RBM47: variants seen among roughly 807,000 people sequenced by gnomAD.
The protein encoded by RBM47 is RNA-binding protein 47.
In RBM47, 21 loss-of-function variants were observed where a neutral mutation model predicts 47.1. That is an observed-to-expected ratio of 0.45 (90% confidence interval 0.32 to 0.64). The LOEUF (loss-of-function observed/expected upper bound fraction) is 0.64. Ranked by LOEUF, RBM47 falls within the 30% of genes least tolerant of loss-of-function variation. The pLI is 0.05. For missense variants in RBM47, 708 were observed against 870.9 expected (o/e 0.81, Z 2.35); for synonymous variants, 375 against 361.7 (o/e 1.04, Z -0.42).
At chr4:40,533,633 T>C (rs1262544111) in intron 2 of RBM47, among the ~76,000 whole-genome samples, 1 of 151,920 alleles carries the variant, frequency 6.6e-6, no homozygotes, top group Non-Finnish European at 1.5e-5. Flanking sequence ...AATTGATTTG[T>C]CTTATTTTGT....
At chr4:40,606,383 G>A (rs1258536699) in intron 1 of RBM47, among the ~76,000 whole-genome samples, 2 of 151,978 alleles carry the variant, frequency 1.3e-5, no homozygotes, top group East Asian at 1.9e-4. Context: ...AAAGAAAAAC[G>A]GTGGACTAGT....
intron 1 of RBM47, among the ~76,000 whole-genome samples, chr4:40,573,208 T>C (rs1037923865): frequency 6.6e-6 from 1 of 150,632 alleles, no homozygotes; most frequent in African/African-American, 2.4e-5. Flanking sequence ...AGTTGAGAAC[T>C]GAAGAAGAGA....
intron 2 of RBM47, among the ~76,000 whole-genome samples, chr4:40,509,739 C>A (rs181223694): frequency 2.0e-5 from 3 of 147,502 alleles, no homozygotes; most frequent in Non-Finnish European, 3.0e-5. Flanking sequence ...AAAAAAAATT[C>A]TCCAGGCGTG....
At chr4:40,465,090 T>C (rs1717808301) in intron 3 of RBM47, among the ~76,000 whole-genome samples, 2 of 152,042 alleles carry the variant, frequency 1.3e-5, no homozygotes, top group Non-Finnish European at 2.9e-5. Flanking sequence ...AAAAAAATTT[T>C]GCTCTCTGAG....
intron 1 of RBM47, among the ~76,000 whole-genome samples, chr4:40,622,587 A>G (rs1431013268): frequency 6.6e-6 from 1 of 152,212 alleles, no homozygotes; most frequent in African/African-American, 2.4e-5. Context: ...TTCTGTTTTA[A>G]AAAAGTCACT....
chr4:40,558,912 T>C (rs112259212), intron 1 of RBM47, among the ~76,000 whole-genome samples: 11,901 of 151,826 alleles, frequency 0.078, 728 homozygotes, highest in African/African-American at 0.17. Flanking sequence ...AAGAATCACT[T>C]GAACCCAGGA....
At chr4:40,434,002 G>GGGGTGTATGTGTGTGT (rs1213913858) in intron 5 of RBM47, among the ~76,000 whole-genome samples, 2 of 45,710 alleles carry the variant, frequency 4.4e-5, no homozygotes, top group African/African-American at 1.0e-4. Context: ...GTGGGGCGGG[G>GGGGTGTATGTGTGTGT]GTGTGTGTGT....
intron 2 of RBM47, among the ~76,000 whole-genome samples, chr4:40,481,468 ATTATTATTATTATTATTATTT>A (rs1192006526): frequency 9.5e-5 from 12 of 126,112 alleles, no homozygotes; most frequent in East Asian, 4.9e-4. Flanking sequence ...TATTATTATT[ATTATTATTATTATTATTATTT>A]TTATTTTTAT....
chr4:40,600,999 A>AAAAAAAAAAAAAAAAAAAAG (rs1338188731), intron 1 of RBM47, among the ~76,000 whole-genome samples: 2 of 147,282 alleles, frequency 1.4e-5, no homozygotes, highest in African/African-American at 2.6e-5. Context: ...AAAAAAAAAA[A>AAAAAAAAAAAAAAAAAAAAG]AAAGAAAGAA....
chr4:40,481,555 T>C (rs980933451), intron 2 of RBM47, among the ~76,000 whole-genome samples: 17 of 149,130 alleles, frequency 1.1e-4, no homozygotes, highest in African/African-American at 4.2e-4. Flanking sequence ...GATCATGATG[T>C]GGCTTTTTTT....
chr4:40,571,242 A>C (rs1043721714), intron 1 of RBM47, among the ~76,000 whole-genome samples: 2 of 151,784 alleles, frequency 1.3e-5, no homozygotes. Context: ...AAAAGAAAAG[A>C]AAATACTGAC....
intron 3 of RBM47, among the ~76,000 whole-genome samples, chr4:40,442,846 G>C (rs1475548636): frequency 6.6e-6 from 1 of 152,004 alleles, no homozygotes; most frequent in African/African-American, 2.4e-5. Flanking sequence ...GCTAATTTTT[G>C]TATTTTTAGT....
At chr4:40,555,210 G>A (rs189969206) in intron 1 of RBM47, among the ~76,000 whole-genome samples, 2 of 152,310 alleles carry the variant, frequency 1.3e-5, no homozygotes, top group African/African-American at 4.8e-5. Flanking sequence ...GGGATTACAG[G>A]CGTGAGCCAC....
At chr4:40,467,634 A>G (rs1718257343) in intron 2 of RBM47, among the ~76,000 whole-genome samples, 1 of 152,142 alleles carries the variant, frequency 6.6e-6, no homozygotes, top group Non-Finnish European at 1.5e-5. Flanking sequence ...GGAGAGGCCC[A>G]TGAAAAATAT....
chr4:40,610,190 C>T (rs1736136051), intron 1 of RBM47, among the ~76,000 whole-genome samples: 1 of 152,082 alleles, frequency 6.6e-6, no homozygotes, highest in South Asian at 2.1e-4. Context: ...GAGTTCTGCC[C>T]TTACTAGCTA....
intron 2 of RBM47, among the ~76,000 whole-genome samples, chr4:40,512,703 A>T: frequency 6.7e-6 from 1 of 148,250 alleles, no homozygotes; most frequent in Non-Finnish European, 1.5e-5. Flanking sequence ...TGACAGAGTG[A>T]GACTTCATCT....
At chr4:40,523,851 T>TGA (rs917692452) in intron 2 of RBM47, among the ~76,000 whole-genome samples, 3 of 130,876 alleles carry the variant, frequency 2.3e-5, no homozygotes, top group Non-Finnish European at 4.7e-5. Flanking sequence ...GGTGACAGAG[T>TGA]GAGCCCTGTC....
In RBM47 at chr4:40,431,053, C is replaced by T. The variant is rs150278511; in HGVS notation, c.1542+1598G>A. Among the ~76,000 whole-genome samples, 581 of 152,134 alleles carry T rather than the reference C, an allele frequency of 3.8e-3. 4 individuals are homozygous for T. The highest frequency in any genetic ancestry group is 0.013 in the African/African-American group (543 of 41,498). On this transcript the variant is annotated intron_variant, in intron 6 of 6. Coordinates refer to ENST00000295971, the MANE Select transcript of RBM47 (RefSeq NM_001098634.2). Reference sequence around the variant, plus strand: ...GAGCCATGCACTCCAGCCTGGGTGACAGAGTGAGACTGTCTCAAAAAAATC... The same window carrying T: ...GAGCCATGCACTCCAGCCTGGGTGATAGAGTGAGACTGTCTCAAAAAAATC...
chr4:40,600,985 C>CAAAAA (rs56054491), intron 1 of RBM47, among the ~76,000 whole-genome samples: 109 of 50,086 alleles, frequency 2.2e-3, no homozygotes, highest in Non-Finnish European at 3.5e-3. Flanking sequence ...AACTCCGTCT[C>CAAAAA]AAAAAAAAAA....
Sources: gnomAD v4.1 joint callset for allele counts (sites outside exome capture counted in the v4.1 genomes callset) on GRCh38, gnomAD v4.1.1 for gene constraint, MANE v1.5 for transcripts, NCBI Gene and HGNC (gene_info 2026-07-23, HGNC 2026-07-21) for gene names.